The following NLRC5 variants were observed in gnomAD, a reference collection of about 807,000 sequenced individuals.
NLRC5 encodes NLR family CARD domain containing 5.
NLRC5 carries 114 observed loss-of-function variants against 206.9 expected under a neutral mutation model. That is an observed-to-expected ratio of 0.55 (90% CI 0.47 to 0.64). The LOEUF (loss-of-function observed/expected upper bound fraction) is 0.64, where lower values mean the gene tolerates loss of function less well. NLRC5 is among the 30% of genes least tolerant of loss of function. The pLI is 0.00. For synonymous variants in NLRC5, 952 were observed against 962.8 expected (o/e 0.99, Z 0.21); for missense variants, 2,008 against 2,305.5 (o/e 0.87, Z 2.64).
In NLRC5 at chr16:57,077,584, TTG is replaced by T; in HGVS notation, c.4920-133_4920-132del. The stretch of plus-strand genomic sequence containing the variant: ...CTCTTCTCTGGGCCTTTCTGCCTCA[TTG>T]TCTGGGTAGGTGTGTGGTGTCGGGG... On this transcript the variant is annotated intron_variant, in intron 41 of 48. Coordinates refer to ENST00000688547, the MANE Select transcript of NLRC5 (RefSeq NM_001384950.1). The T allele has an allele frequency of 1.9e-5, 19 of 983,320 alleles. No individual in the cohort carries two copies. The South Asian group carries it at 2.7e-4, about 14-fold the overall frequency. 60.9% of individuals were successfully genotyped at this position (983,320 alleles called of 1,614,324 possible). A position where few individuals can be genotyped will look rare whatever the true frequency, so the allele number is the denominator to read the frequency against.
chr16:57,051,709 C>A, intron 24 of NLRC5, 88 bp downstream of exon 24: 1 of 979,428 alleles, frequency 1.0e-6, no homozygotes, highest in Non-Finnish European at 1.6e-6. Context: ...GCCCTCTAAC[C>A]CCTCAACCCC....
At chr16:57,078,692 GAC>G (rs1186278872) in intron 43 of NLRC5, among the ~76,000 whole-genome samples, 1 of 151,848 alleles carries the variant, frequency 6.6e-6, no homozygotes, top group African/African-American at 2.4e-5. Flanking sequence ...GCTGGTCTTG[GAC>G]TCCTGGCCTC....
In NLRC5 at chr16:57,043,606, T is replaced by TGA. The variant is rs2063555255; in HGVS notation, c.3203+4_3203+5dup. 1.9e-6 allele frequency: 3 copies of TGA among 1,612,704 alleles called. No individual in the cohort carries two copies. The East Asian group carries it at 6.7e-5, about 36-fold the overall frequency. The stretch of plus-strand genomic sequence containing the variant: ...GTGGCTCTTCCGCTTGGACATCAGG[T>TGA]GAGCGTGCCTCTCCGCCCCCAGCCC... On this transcript the variant is annotated splice_region_variant and intron_variant, in intron 20 of 48. Transcript: ENST00000688547.
chr16:57,076,785 TG>T (rs769456828), intron 39 of NLRC5, 33 bp from the exon 40 acceptor site: 2 of 1,606,046 alleles, frequency 1.2e-6, no homozygotes, highest in African/African-American at 2.7e-5. Flanking sequence ...TTTAAGCTCC[TG>T]AAAGCCTCTT....
At chr16:56,992,330 C>T (rs1407263082) in intron 1 of NLRC5, 4 of 152,236 alleles carry the variant, frequency 2.6e-5, no homozygotes, top group African/African-American at 9.6e-5. Context: ...CCCAGCATCT[C>T]TGCTCTGTTT....
chr16:57,036,245 C>T (rs1247129550), intron 14 of NLRC5, 62 bp downstream of exon 14: 26 of 1,501,230 alleles, frequency 1.7e-5, no homozygotes, highest in South Asian at 9.3e-5. Context: ...AGGAGGTCCC[C>T]GTGTTCGTAA....
At chr16:57,023,659 C>T (rs2060923398) in intron 4 of NLRC5, 126 bp from the exon 5 acceptor site, 3 of 666,916 alleles carry the variant, frequency 4.5e-6, no homozygotes, top group Non-Finnish European at 7.7e-6. Flanking sequence ...CTTTCCAGTC[C>T]CTGCATGTGG....
At chr16:57,072,921 G>A (rs983083488) in intron 38 of NLRC5, among the ~76,000 whole-genome samples, 1 of 151,980 alleles carries the variant, frequency 6.6e-6, no homozygotes, top group Non-Finnish European at 1.5e-5. Context: ...CTTGTCCTGG[G>A]GAGAGGATCA....
chr16:57,045,605 C>A (rs1162982222), intron 21 of NLRC5, 113 bp downstream of exon 21: 2 of 924,816 alleles, frequency 2.2e-6, no homozygotes, highest in Non-Finnish European at 3.5e-6. Context: ...GTTAAACCAC[C>A]CAAGTCCGGC....
At chr16:57,051,442 G>A (rs1400259507) in intron 23 of NLRC5, 96 bp from the exon 24 acceptor site, 1 of 856,974 alleles carries the variant, frequency 1.2e-6, no homozygotes, top group Non-Finnish European at 2.0e-6. Flanking sequence ...GGTGACCCTG[G>A]TTAGGTCCCA....
chr16:57,022,275 A>G lies in NLRC5; in HGVS notation c.315A>G (p.Gly105=). 1 of 1,612,064 alleles carries G rather than the reference A, an allele frequency of 6.2e-7. No homozygotes were observed. The highest frequency in any genetic ancestry group is 8.5e-7 in the Non-Finnish European group (1 of 1,178,346). ...GYDDGFTSQL[G]AEGKSQPESQ... ...TTGCAGGGTTCACCAGCCAGCTGGG[A>G]GCTGAGGGGAAAAGCCAACCTGAAT... The change falls in exon 4 of 49, where the codon GGA becomes GGG. Residue 105 remains glycine, a synonymous_variant. Transcript: ENST00000688547.
rs1445463947 is a variant in NLRC5 at position 57,013,845 on chromosome 16, CTT to C, written c.-127-3227_-127-3226del. 21 of 671,714 alleles carry C rather than the reference CTT, an allele frequency of 3.1e-5. 1 individual carries two copies. In the East Asian group the frequency reaches 5.7e-4, roughly 18 times the overall value. 41.6% of individuals were successfully genotyped at this position (671,714 alleles called of 1,614,324 possible). On this transcript the variant is annotated intron_variant, in intron 1 of 48. Coordinates refer to ENST00000688547, the MANE Select transcript of NLRC5 (RefSeq NM_001384950.1). ...CCAGCATAAGTTATTTCATCCGATACTTTCTTTTTCAAAAATGGCAAGCCACA... is the reference window on the plus strand; with the variant it reads ...CCAGCATAAGTTATTTCATCCGATACTCTTTTTCAAAAATGGCAAGCCACA...
chr16:57,030,503 G>A (rs1360704813), intron 10 of NLRC5, among the ~76,000 whole-genome samples: 4 of 151,206 alleles, frequency 2.6e-5, no homozygotes, highest in Non-Finnish European at 5.9e-5. Context: ...TGGATGGATG[G>A]ATGGATGGAT....
At chr16:57,071,810 A>AG (rs1311081459) in intron 38 of NLRC5, among the ~76,000 whole-genome samples, 1 of 149,318 alleles carries the variant, frequency 6.7e-6, no homozygotes, top group African/African-American at 2.5e-5. Flanking sequence ...GGGGTGAGTG[A>AG]GGGATGACAG....
chr16:57,032,044 A>G (rs1237625356), intron 11 of NLRC5, among the ~76,000 whole-genome samples: 2 of 152,048 alleles, frequency 1.3e-5, no homozygotes, highest in African/African-American at 4.8e-5. Flanking sequence ...AGACAGATGT[A>G]TGTATGCCCC....
chr16:57,048,678 C>T (rs1454700723), intron 23 of NLRC5, among the ~76,000 whole-genome samples: 4 of 152,014 alleles, frequency 2.6e-5, no homozygotes, highest in Non-Finnish European at 5.9e-5. Context: ...GGATTACAGG[C>T]GCCCGCCATC....
intron 2 of NLRC5, among the ~76,000 whole-genome samples, chr16:57,017,731 G>T (rs1425427204): frequency 6.6e-6 from 1 of 152,218 alleles, no homozygotes; most frequent in Non-Finnish European, 1.5e-5. Flanking sequence ...GGCATGACAT[G>T]AGTCTTTTTT....
intron 32 of NLRC5, chr16:57,061,991 G>A (rs2066569252): frequency 2.7e-6 from 4 of 1,471,268 alleles, no homozygotes; most frequent in Non-Finnish European, 2.7e-6. Context: ...AAAATAAACT[G>A]AAACGAAGTT....
chr16:57,031,494 C>T (rs1363539778), intron 11 of NLRC5, 31 bp downstream of exon 11: 2 of 1,611,306 alleles, frequency 1.2e-6, no homozygotes, highest in Non-Finnish European at 1.7e-6. Flanking sequence ...GGGCCTGGGG[C>T]CATCCTTAGA....
Sources: gnomAD v4.1 joint callset for allele counts (sites outside exome capture counted in the v4.1 genomes callset) on GRCh38, gnomAD v4.1.1 for gene constraint, MANE v1.5 for transcripts, NCBI Gene and HGNC (gene_info 2026-07-23, HGNC 2026-07-21) for gene names.